ACACA: variants seen among roughly 807,000 people sequenced by gnomAD.
ACACA encodes acetyl-CoA carboxylase 1.
Under a neutral mutation model 296.1 loss-of-function variants are expected in ACACA, and 103 were observed. The ratio of observed to expected loss-of-function variants is 0.35; its 90% confidence interval spans 0.30 to 0.41. The LOEUF (loss-of-function observed/expected upper bound fraction) is 0.41, where lower values mean the gene tolerates loss of function less well. ACACA is among the 10% of genes least tolerant of loss of function. The pLI, the probability that ACACA is intolerant of heterozygous loss-of-function variation, is 1.00. For synonymous variants in ACACA, 953 were observed against 1,038.6 expected, an observed-to-expected ratio of 0.92 and a Z score of 1.58; for missense variants, 1,554 against 2,989.7, an observed-to-expected ratio of 0.52 and a Z score of 11.20.
chr17:37,213,420 T>A lies in ACACA; in HGVS notation c.3684-2930A>T, dbSNP rs116899277. On this transcript the variant is annotated intron_variant, in intron 29 of 55. Transcript: ENST00000616317. ...GCAATCAAGTATATTTTCAAATACA[T>A]AAATGGGACATAAATTCACTTCCTA... is the stretch of plus-strand genomic sequence containing the variant. 1.2e-3 allele frequency among the ~76,000 whole-genome samples: 175 copies of A among 150,772 alleles called. 4 individuals are homozygous for A. The East Asian group carries it at 0.016, about 14-fold the overall frequency.
intron 45 of ACACA, among the ~76,000 whole-genome samples, chr17:37,149,610 A>G (rs1283498684): frequency 6.6e-6 from 1 of 152,268 alleles, no homozygotes; most frequent in Non-Finnish European, 1.5e-5. Flanking sequence ...GTTCACTAAC[A>G]TATACACAGG....
chr17:37,281,594 G>A (rs531646002), intron 5 of ACACA, among the ~76,000 whole-genome samples: 1 of 152,284 alleles, frequency 6.6e-6, no homozygotes, highest in East Asian at 1.9e-4. Flanking sequence ...CGGACCGGGC[G>A]CAGTGGCTTA....
chr17:37,312,818 G>C (rs566932812), intron 3 of ACACA, among the ~76,000 whole-genome samples: 30 of 152,094 alleles, frequency 2.0e-4, no homozygotes, highest in African/African-American at 7.2e-4. Flanking sequence ...CTTGAGTCCA[G>C]GAGTTTGAAA....
intron 25 of ACACA, 26 bp from the exon 26 acceptor site, chr17:37,226,478 T>TAGATAGTC: frequency 6.4e-7 from 1 of 1,559,200 alleles, no homozygotes; most frequent in Non-Finnish European, 8.8e-7. Flanking sequence ...AAAAAGAACA[T>TAGATAGTC]AGATAGTCAT....
chr17:37,191,231 G>C lies in ACACA; in HGVS notation c.4461C>G (p.Leu1487=), dbSNP rs910029477. 1 of 1,613,958 alleles carries C rather than the reference G, an allele frequency of 6.2e-7. No individual in the cohort carries two copies. Among genetic ancestry groups the C allele is most frequent in the Middle Eastern group, 1.6e-4 (1 of 6,062 alleles). ...EYLQNEGERL[L]LEAMDELEVA... is the part of the protein sequence containing the mutation. Reference sequence around the variant, plus strand: ...CTTCCAACTCATCCATGGCTTCCAGGAGTAGCCGCTCCCCTTCATTTTGCA... The same window carrying C: ...CTTCCAACTCATCCATGGCTTCCAGCAGTAGCCGCTCCCCTTCATTTTGCA... The change falls in exon 38 of 56, where the codon CTC becomes CTG. Residue 1487 remains leucine, a synonymous_variant. Coordinates refer to ENST00000616317, the MANE Select transcript of ACACA (RefSeq NM_198834.3).
At chr17:37,307,584 ATTGTT>A (rs1178118059) in intron 3 of ACACA, among the ~76,000 whole-genome samples, 4 of 151,280 alleles carry the variant, frequency 2.6e-5, no homozygotes, top group Admixed American at 6.6e-5. Context: ...CTTTTTTCTT[ATTGTT>A]TTGTTTTGTT....
intron 42 of ACACA, among the ~76,000 whole-genome samples, chr17:37,158,457 C>T (rs971130961): frequency 6.6e-6 from 1 of 152,002 alleles, no homozygotes; most frequent in African/African-American, 2.4e-5. Flanking sequence ...TGGGGAAACC[C>T]CATCTCTACA....
chr17:37,242,055 T>C lies in ACACA; in HGVS notation c.2932-2A>G. 1 of 1,613,392 alleles carries C rather than the reference T, an allele frequency of 6.2e-7. No individual in the cohort carries two copies. Among genetic ancestry groups the C allele is most frequent in the East Asian group, 2.2e-5 (1 of 44,860 alleles). On this transcript the variant is annotated splice_acceptor_variant, in intron 22 of 55. Coordinates refer to ENST00000616317, the MANE Select transcript of ACACA (RefSeq NM_198834.3). LOFTEE classifies it high-confidence loss of function. ...ATGGCTATCTAGGATGTTTGCAATCTAAGGTATAAAAAAGGGAAAAAAATG... is the reference window on the plus strand; with the variant it reads ...ATGGCTATCTAGGATGTTTGCAATCCAAGGTATAAAAAAGGGAAAAAAATG...
At position 37,259,349 on chromosome 17, in the gene ACACA, G is replaced by T; in HGVS notation, c.1500+11C>A. 6.2e-7 allele frequency: 1 copy of T among 1,614,014 alleles called. No homozygotes were observed. The highest frequency in any genetic ancestry group is 8.5e-7 in the Non-Finnish European group (1 of 1,179,996). ...TTTCTAGGCTCTGCAACCCAGATCA[G>T]GGAGACTCACCTGGAGCTGTGCTGC... is the stretch of plus-strand genomic sequence containing the variant. On this transcript the variant is annotated intron_variant, in intron 12 of 55. Coordinates refer to ENST00000616317, the MANE Select transcript of ACACA (RefSeq NM_198834.3).
intron 25 of ACACA, among the ~76,000 whole-genome samples, chr17:37,230,289 C>T (rs2145789579): frequency 6.6e-6 from 1 of 151,582 alleles, no homozygotes; most frequent in Non-Finnish European, 1.5e-5. Context: ...GAGGCTGAGG[C>T]AGGAGAATCG....
intron 1 of ACACA, among the ~76,000 whole-genome samples, chr17:37,385,769 C>G (rs1334551048): frequency 1.3e-5 from 2 of 152,138 alleles, no homozygotes; most frequent in Non-Finnish European, 2.9e-5. Flanking sequence ...ATGACTCCTT[C>G]ACTTTGATCC....
chr17:37,370,110 G>A (rs1161052896), intron 1 of ACACA, among the ~76,000 whole-genome samples: 4 of 149,564 alleles, frequency 2.7e-5, no homozygotes, highest in African/African-American at 7.4e-5. Flanking sequence ...GGGTTCAAGC[G>A]ATTCTCCTGC....
At chr17:37,361,040 CTTT>C (rs11442383) in intron 1 of ACACA, among the ~76,000 whole-genome samples, 7 of 137,142 alleles carry the variant, frequency 5.1e-5, no homozygotes, top group Non-Finnish European at 4.8e-5. Context: ...CCCCAGGATT[CTTT>C]TTTTTTTTTT....
At chr17:37,217,742 A>AC (rs2079081153) in intron 29 of ACACA, among the ~76,000 whole-genome samples, 2 of 132,432 alleles carry the variant, frequency 1.5e-5, no homozygotes, top group African/African-American at 6.5e-5. Flanking sequence ...CTCAAAAAAA[A>AC]AAAAAAAAAA....
chr17:37,382,337 C>T (rs2050331633), intron 1 of ACACA, among the ~76,000 whole-genome samples: 1 of 151,922 alleles, frequency 6.6e-6, no homozygotes, highest in African/African-American at 2.4e-5. Context: ...CCTTTTCTCA[C>T]CCTTTCTTTT....
At chr17:37,181,549 TA>T (rs1461680891) in intron 39 of ACACA, among the ~76,000 whole-genome samples, 193 bp from the exon 40 acceptor site, 1 of 152,038 alleles carries the variant, frequency 6.6e-6, no homozygotes, top group East Asian at 1.9e-4. Flanking sequence ...CCAAAAAATA[TA>T]TATATATAAC....
intron 3 of ACACA, among the ~76,000 whole-genome samples, chr17:37,318,886 C>T (rs2047215176): frequency 6.6e-6 from 1 of 152,062 alleles, no homozygotes; most frequent in Non-Finnish European, 1.5e-5. Context: ...CCTAGTCAAA[C>T]ACAAACATAT....
chr17:37,359,281 C>A (rs1253634948), intron 1 of ACACA, among the ~76,000 whole-genome samples: 1 of 152,062 alleles, frequency 6.6e-6, no homozygotes, highest in African/African-American at 2.4e-5. Context: ...CCAGGGCCGC[C>A]GGGGGGCGAG....
In ACACA at chr17:37,151,416, T is replaced by C. The variant is rs779985351; in HGVS notation, c.5453A>G (p.Lys1818Arg). The C allele has an allele frequency of 1.2e-6, 2 of 1,613,790 alleles. No individual in the cohort carries two copies. Among genetic ancestry groups the C allele is most frequent in the Non-Finnish European group, 1.7e-6 (2 of 1,179,902 alleles). Residue 1818 changes from lysine (K) to arginine (R), a missense_variant, in exon 44 of 56, where the codon AAG becomes AGG. Coordinates refer to ENST00000616317, the MANE Select transcript of ACACA (RefSeq NM_198834.3). ...HVEDEGESRY[K>R]ITDIIGKEEG... is the part of the protein sequence containing the mutation. ...TTCTTTCCCAATAATATCTGTTATCTTGTACCTATTGGATATGGCCATGTC... is the reference window on the plus strand; with the variant it reads ...TTCTTTCCCAATAATATCTGTTATCCTGTACCTATTGGATATGGCCATGTC...
Sources: allele counts gnomAD v4.1 joint callset (sites outside exome capture counted in the v4.1 genomes callset), GRCh38; gene constraint gnomAD v4.1.1; transcripts MANE v1.5; gene names NCBI Gene and HGNC (gene_info 2026-07-23, HGNC 2026-07-21).